TMEM132C: variants seen among roughly 807,000 people sequenced by gnomAD.
TMEM132C encodes the protein transmembrane protein 132C, also known as protein phosphatase 1, regulatory subunit 152.
A neutral mutation model predicts 61.4 loss-of-function variants in TMEM132C; 29 were observed. The observed-to-expected ratio is 0.47, with a 90% CI of 0.35 to 0.64. The LOEUF is 0.64. TMEM132C is among the 30% of genes least tolerant of loss of function. TMEM132C has a pLI of 0.00. For missense variants in TMEM132C, 1,408 were observed against 1,476.9 expected (o/e 0.95, Z 0.76); for synonymous variants, 656 against 633.1 (o/e 1.04, Z -0.54).
chr12:128,399,304 G>A (rs1221152039), intron 1 of TMEM132C, among the ~76,000 whole-genome samples: 1 of 152,166 alleles, frequency 6.6e-6, no homozygotes, highest in East Asian at 1.9e-4. Flanking sequence ...AACAGGAATG[G>A]TGTCCTTTTT....
chr12:128,586,097 A>G (rs1436505482), intron 3 of TMEM132C, among the ~76,000 whole-genome samples: 1 of 152,186 alleles, frequency 6.6e-6, no homozygotes, highest in East Asian at 1.9e-4. Flanking sequence ...AAACGGGAAT[A>G]TATGTATCAA....
intron 2 of TMEM132C, chr12:128,438,899 A>G (rs1396195053): frequency 2.0e-5 from 3 of 152,162 alleles, no homozygotes; most frequent in Non-Finnish European, 2.9e-5. Context: ...ATGCACGCCA[A>G]TGTAAGCCTG....
chr12:128,704,980 G>C lies in TMEM132C; in HGVS notation c.2122-110G>C, dbSNP rs1377385206. ...TCTCCCCAGATGCATGAGCTACTGGGTCTGGATTTGAGGTCCTGCTCCCTG... is the reference window on the plus strand; with the variant it reads ...TCTCCCCAGATGCATGAGCTACTGGCTCTGGATTTGAGGTCCTGCTCCCTG... On this transcript the variant is annotated intron_variant, in intron 8 of 8. Coordinates refer to ENST00000435159, the MANE Select transcript of TMEM132C (RefSeq NM_001136103.3). 3.3e-6 allele frequency: 4 copies of C among 1,219,878 alleles called. No homozygotes were observed. The African/African-American group carries it at 6.1e-5, about 19-fold the overall frequency. The allele number at this position is 1,219,878 out of a possible 1,614,324, so 75.6% of individuals were successfully genotyped here.
At chr12:128,615,160 G>A (rs1305239317) in intron 3 of TMEM132C, among the ~76,000 whole-genome samples, 7 of 152,144 alleles carry the variant, frequency 4.6e-5, no homozygotes, top group Non-Finnish European at 1.0e-4. Context: ...AGGCCTCTCA[G>A]CCCCTATAGC....
intron 1 of TMEM132C, among the ~76,000 whole-genome samples, chr12:128,317,436 C>G (rs1299791337): frequency 6.6e-6 from 1 of 152,178 alleles, no homozygotes; most frequent in African/African-American, 2.4e-5. Flanking sequence ...GAAAACTGGG[C>G]AAACTCACAT....
At chr12:128,702,632 T>C (rs1225104834) in intron 8 of TMEM132C, among the ~76,000 whole-genome samples, 1 of 152,116 alleles carries the variant, frequency 6.6e-6, no homozygotes, top group African/African-American at 2.4e-5. Flanking sequence ...CTGAAGGAGG[T>C]TGTATTTGCA....
chr12:128,552,110 T>G (rs1874194909), intron 3 of TMEM132C, among the ~76,000 whole-genome samples: 1 of 152,248 alleles, frequency 6.6e-6, no homozygotes, highest in Non-Finnish European at 1.5e-5. Context: ...CACACCTGCC[T>G]GCCGCTCCAC....
intron 4 of TMEM132C, among the ~76,000 whole-genome samples, chr12:128,618,462 G>C (rs780034812): frequency 2.0e-5 from 3 of 152,174 alleles, no homozygotes; most frequent in Middle Eastern, 6.3e-3. Flanking sequence ...CCAGCACAGA[G>C]CTCTGGGCTC....
chr12:128,343,738 A>G (rs1401495389), intron 1 of TMEM132C, among the ~76,000 whole-genome samples: 1 of 152,216 alleles, frequency 6.6e-6, no homozygotes, highest in Non-Finnish European at 1.5e-5. Context: ...AAAACCCTGT[A>G]TTCATTCAGC....
chr12:128,660,794 A>G (rs186932235), intron 4 of TMEM132C, among the ~76,000 whole-genome samples: 5 of 152,272 alleles, frequency 3.3e-5, no homozygotes, highest in African/African-American at 1.2e-4. Context: ...TGAGCCAGGC[A>G]CGGTAATTAC....
At chr12:128,625,928 A>G (rs943249830) in intron 4 of TMEM132C, among the ~76,000 whole-genome samples, 3 of 152,206 alleles carry the variant, frequency 2.0e-5, no homozygotes, top group Non-Finnish European at 2.9e-5. Flanking sequence ...CCCCAAAAGC[A>G]TTAGCAGCTG....
intron 1 of TMEM132C, among the ~76,000 whole-genome samples, chr12:128,396,827 C>T (rs1474058215): frequency 6.6e-6 from 1 of 152,196 alleles, no homozygotes; most frequent in African/African-American, 2.4e-5. Flanking sequence ...GAGCCCTATC[C>T]TCTGTATCTC....
At chr12:128,703,211 A>G (rs1486443956) in intron 8 of TMEM132C, among the ~76,000 whole-genome samples, 1 of 151,934 alleles carries the variant, frequency 6.6e-6, no homozygotes, top group Non-Finnish European at 1.5e-5. Flanking sequence ...CACTTGTGTC[A>G]TGGGGGTTGG....
At chr12:128,549,908 G>T in intron 3 of TMEM132C, among the ~76,000 whole-genome samples, 1 of 152,166 alleles carries the variant, frequency 6.6e-6, no homozygotes, top group East Asian at 1.9e-4. Flanking sequence ...AAGAGCTGGA[G>T]GTGGAATTCA....
intron 4 of TMEM132C, among the ~76,000 whole-genome samples, chr12:128,619,422 AGACGTGCTCTC>A (rs1160754198): frequency 1.3e-5 from 2 of 152,222 alleles, no homozygotes; most frequent in Admixed American, 1.3e-4. Flanking sequence ...AAAAGCAGGG[AGACGTGCTCTC>A]GACTCTCCCC....
Position 128,326,868 on chromosome 12 carries a change from G to A in TMEM132C, c.85+59381G>A, listed in dbSNP as rs1003877958. 1.4e-5 allele frequency among the ~76,000 whole-genome samples: 2 copies of A among 146,532 alleles called. No homozygotes were observed. The highest frequency in any genetic ancestry group is 1.3e-4 in the Admixed American group (2 of 15,082). ...TAATTGTATTTTTAATAAAGCAGAG[G>A]CTTTTGTTGTTGTTGTTAACATTGA... On this transcript the variant is annotated intron_variant, in intron 1 of 8. Coordinates refer to ENST00000435159, the MANE Select transcript of TMEM132C (RefSeq NM_001136103.3). This position sits in a 1 kb window ranked among gnomAD's most constrained non-coding sequence, Gnocchi z 5.6.
At chr12:128,621,430 A>G (rs769188034) in intron 4 of TMEM132C, among the ~76,000 whole-genome samples, 1 of 152,294 alleles carries the variant, frequency 6.6e-6, no homozygotes, top group South Asian at 2.1e-4. Flanking sequence ...CCATGTGAGG[A>G]TGGTGGCAAA....
chr12:128,664,846 C>G (rs1954440271), intron 4 of TMEM132C, among the ~76,000 whole-genome samples: 1 of 152,204 alleles, frequency 6.6e-6, no homozygotes, highest in East Asian at 1.9e-4. Flanking sequence ...ATTGTATACA[C>G]ATAAATAGTG....
chr12:128,464,399 G>A (rs1870649296), intron 2 of TMEM132C, among the ~76,000 whole-genome samples: 1 of 152,154 alleles, frequency 6.6e-6, no homozygotes, highest in Admixed American at 6.5e-5. Context: ...TTAGCTGATG[G>A]ACCAGGAGCA....
Sources: gnomAD v4.1 joint callset for allele counts (sites outside exome capture counted in the v4.1 genomes callset) on GRCh38, gnomAD v4.1.1 for gene constraint, Gnocchi (gnomAD v3.1) non-coding constraint, MANE v1.5 for transcripts, NCBI Gene and HGNC (gene_info 2026-07-23, HGNC 2026-07-21) for gene names.